Variants in TCAF1 observed in about 807,000 individuals in gnomAD.
TCAF1 encodes TRPM8 channel associated factor 1, also known as TRPM8 channel-associated factor 1.
Under a neutral mutation model 27.3 loss-of-function variants are expected in TCAF1, and 4 were observed. That is an observed-to-expected ratio of 0.15 (90% confidence interval 0.07 to 0.34). TCAF1 has a LOEUF of 0.34. Ranked by LOEUF, TCAF1 falls within the 10% of genes least tolerant of loss-of-function variation. TCAF1 has a pLI of 1.00. For synonymous variants in TCAF1, 105 were observed against 167.1 expected (o/e 0.63, Z 2.87); for missense variants, 257 against 425.8 (o/e 0.60, Z 3.49).
chr7:143,885,629 A>G, intron 1 of TCAF1: 2 of 874,724 alleles, frequency 2.3e-6, no homozygotes, highest in South Asian at 5.2e-5. Context: ...ATATACAACT[A>G]TTTCCAAGGA....
Position 143,876,434 on chromosome 7 carries a change from G to A in TCAF1, c.175C>T (p.Leu59=), listed in dbSNP as rs1243888233. 3 of 1,611,184 alleles carry A rather than the reference G, an allele frequency of 1.9e-6. No individual in the cohort carries two copies. Among genetic ancestry groups the A allele is most frequent in the Admixed American group, 1.7e-5 (1 of 59,728 alleles). Reference sequence around the variant, plus strand: ...TAGTCCTCATGGGACACGACCACCAGGCGGCCACGGCCATAGGAGGAGGCA... The same window carrying A: ...TAGTCCTCATGGGACACGACCACCAAGCGGCCACGGCCATAGGAGGAGGCA... ...IAASSYGRGR[L]VVVSHEDYLV... is the part of the protein sequence containing the mutation. The change falls in exon 2 of 9, where the codon CTG becomes TTG. Residue 59 remains leucine, a synonymous_variant. Coordinates refer to ENST00000479870, the MANE Select transcript of TCAF1 (RefSeq NM_014719.3).
chr7:143,886,700 CTTTTTT>C (rs11398264), intron 1 of TCAF1, among the ~76,000 whole-genome samples: 11 of 89,162 alleles, frequency 1.2e-4, no homozygotes, highest in South Asian at 3.9e-4. Flanking sequence ...CAAATTTTAC[CTTTTTT>C]TTTTTTTTTT....
intron 2 of TCAF1, among the ~76,000 whole-genome samples, chr7:143,868,534 TTA>T (rs1158994173): frequency 9.8e-4 from 79 of 80,400 alleles, no homozygotes; most frequent in African/African-American, 3.4e-3. Flanking sequence ...TGCTCTAACT[TTA>T]TGTTTAAATG....
At chr7:143,859,896 ATTATAT>A (rs1270115277) in intron 6 of TCAF1, among the ~76,000 whole-genome samples, 7,713 of 83,376 alleles carry the variant, frequency 0.093, 1,043 homozygotes, top group South Asian at 0.15. Flanking sequence ...TATAATATAT[ATTATAT>A]AATATATATT....
Position 143,851,386 on chromosome 7 carries a change from T to A in TCAF1, c.*2747A>T, listed in dbSNP as rs1403370368. The A allele has an allele frequency of 6.6e-6, 1 of 152,432 alleles. No homozygotes were observed. Among genetic ancestry groups the A allele is most frequent in the South Asian group, 2.1e-4 (1 of 4,834 alleles). 9.4% of individuals were successfully genotyped at this position (152,432 alleles called of 1,614,324 possible). A position where few individuals can be genotyped will look rare whatever the true frequency, so the allele number is the denominator to read the frequency against. On this transcript the variant is annotated 3_prime_UTR_variant, in exon 9 of 9. Coordinates refer to ENST00000479870, the MANE Select transcript of TCAF1 (RefSeq NM_014719.3). ...TGTGAAGTCACTGGAAGATTTTTAT[T>A]TGGGTTTATTAAAAATTTTTTCAAA...
chr7:143,897,633 T>A (rs1038427051), intron 1 of TCAF1, among the ~76,000 whole-genome samples: 16 of 152,104 alleles, frequency 1.1e-4, no homozygotes, highest in African/African-American at 3.9e-4. Flanking sequence ...CATGTACGTA[T>A]ACTGATACAT....
At chr7:143,900,194 G>T (rs187917991) in intron 1 of TCAF1, among the ~76,000 whole-genome samples, 2 of 152,224 alleles carry the variant, frequency 1.3e-5, no homozygotes, top group Non-Finnish European at 2.9e-5. Flanking sequence ...AGGCTTTAAA[G>T]TGGCCCCGAT....
chr7:143,883,839 A>G lies in TCAF1; in HGVS notation c.-14-7217T>C, dbSNP rs1586784634. 2.6e-5 allele frequency among the ~76,000 whole-genome samples: 4 copies of G among 152,184 alleles called. No homozygotes were observed. In the South Asian group the frequency reaches 8.3e-4, roughly 32 times the overall value. On this transcript the variant is annotated intron_variant, in intron 1 of 8. Coordinates refer to ENST00000479870, the MANE Select transcript of TCAF1 (RefSeq NM_014719.3). ...TCTTTCCTTTATGATATCAGCTGAGAGCTGCTCCTCTCTCTTGTGTATGTG... is the reference window on the plus strand; with the variant it reads ...TCTTTCCTTTATGATATCAGCTGAGGGCTGCTCCTCTCTCTTGTGTATGTG...
chr7:143,876,305 C>T lies in TCAF1; in HGVS notation c.304G>A (p.Ala102Thr), dbSNP rs1388560726. ...ACTCCAGAGCCCTCGAGGATTTTGG[C>T]CAAAGGTGCCAGGGATGGGTGTACA... The part of the protein sequence containing the change: ...IGVHPSLAPL[A>T]KILEGSGVDA... The change falls in exon 2 of 9, where the codon GCC becomes ACC. Residue 102 changes from alanine to threonine, a missense_variant. By Grantham distance (58) the Ala-to-Thr change is moderately conservative (BLOSUM62 0). Around this residue, in one of 2 missense-constraint regions of TCAF1, gnomAD observed 255 missense variants for 260.1 expected, o/e 0.98. Coordinates refer to ENST00000479870, the MANE Select transcript of TCAF1 (RefSeq NM_014719.3). 1 of 1,614,072 alleles carries T rather than the reference C, an allele frequency of 6.2e-7. No individual in the cohort carries two copies. The highest frequency in any genetic ancestry group is 1.3e-5 in the African/African-American group (1 of 74,924).
intron 1 of TCAF1, 21 bp from the exon 2 acceptor site, chr7:143,876,643 G>C (rs199947531): frequency 6.8e-7 from 1 of 1,472,730 alleles, no homozygotes; most frequent in Admixed American, 2.4e-5. Context: ...GAAAGCAAAG[G>C]CTCAGCTTAG....
chr7:143,886,070 C>A (rs1055949549), intron 1 of TCAF1, among the ~76,000 whole-genome samples: 1 of 152,228 alleles, frequency 6.6e-6, no homozygotes, highest in East Asian at 1.9e-4. Flanking sequence ...GACCATGGAG[C>A]AGGAACTGGC....
chr7:143,882,642 T>TA, intron 1 of TCAF1: 5 of 802,024 alleles, frequency 6.2e-6, no homozygotes, highest in Non-Finnish European at 6.0e-6. Context: ...CGCCCCGGCC[T>TA]CCCGCCCTGC....
intron 1 of TCAF1, among the ~76,000 whole-genome samples, chr7:143,892,885 A>G (rs1586797902): frequency 6.6e-6 from 1 of 152,218 alleles, no homozygotes; most frequent in African/African-American, 2.4e-5. Context: ...GCCAGCCCTC[A>G]CCAGACATTA....
At position 143,902,167 on chromosome 7, in the gene TCAF1, A is replaced by G. The variant is rs1814153413; in HGVS notation, c.-221T>C. 6.6e-6 allele frequency: 1 copy of G among 151,496 alleles called. No homozygotes were observed. The highest frequency in any genetic ancestry group is 6.6e-5 in the Admixed American group (1 of 15,238). The allele number at this position is 151,496 out of a possible 1,614,324, so 9.4% of individuals were successfully genotyped here. ...GGGCTCGAAACTACAGGACTTGGAA[A>G]GTCTTAGGCGGAGACTGCGGGGGTG... On this transcript the variant is annotated 5_prime_UTR_variant, in exon 1 of 9. Coordinates refer to ENST00000479870, the MANE Select transcript of TCAF1 (RefSeq NM_014719.3).
chr7:143,898,314 ATTCAACAGTGTAC>A (rs1477657878), intron 1 of TCAF1, among the ~76,000 whole-genome samples: 3 of 152,126 alleles, frequency 2.0e-5, no homozygotes, highest in Non-Finnish European at 4.4e-5. Flanking sequence ...TATTACTTTT[ATTCAACAGTGTAC>A]TGGAGCTCCT....
chr7:143,900,204 T>C (rs1351031132), intron 1 of TCAF1, among the ~76,000 whole-genome samples: 1 of 152,216 alleles, frequency 6.6e-6, no homozygotes, highest in African/African-American at 2.4e-5. Flanking sequence ...GTGGCCCCGA[T>C]AATCCCTGCC....
intron 1 of TCAF1, chr7:143,881,826 C>G (rs1030227257): frequency 1.3e-5 from 2 of 152,198 alleles, no homozygotes; most frequent in Admixed American, 6.5e-5. Flanking sequence ...CTGTCTTTCT[C>G]TTACTCCTAT....
chr7:143,882,516 A>T, intron 1 of TCAF1: 1 of 985,306 alleles, frequency 1.0e-6, no homozygotes, highest in Non-Finnish European at 1.2e-6. Context: ...TGCGGGACCC[A>T]AGCGCAGAGG....
intron 1 of TCAF1, chr7:143,882,491 A>G: frequency 7.1e-6 from 7 of 985,400 alleles, no homozygotes; most frequent in Non-Finnish European, 8.4e-6. Context: ...GAGGAGGAGC[A>G]ATGCGGCAGG....
Sources: allele counts gnomAD v4.1 joint callset (sites outside exome capture counted in the v4.1 genomes callset), GRCh38; gene constraint gnomAD v4.1.1; regional missense constraint gnomAD v4.1.1; transcripts MANE v1.5; gene names NCBI Gene and HGNC (gene_info 2026-07-23, HGNC 2026-07-21).